GALNT13: variants seen among roughly 807,000 people sequenced by gnomAD.
GALNT13 encodes the protein UDP-GalNAc:polypeptide N-acetylgalactosaminyltransferase 13.
GALNT13 carries 28 observed loss-of-function variants against 64.2 expected under a neutral mutation model. The ratio of observed to expected loss-of-function variants is 0.44; its 90% CI spans 0.32 to 0.60. The LOEUF (loss-of-function observed/expected upper bound fraction) is 0.60, where lower values mean the gene tolerates loss of function less well. Among genes scored for constraint, GALNT13 ranks in the 20% least tolerant of loss-of-function variants. The probability of loss-of-function intolerance (pLI) is 0.05; values close to 1 mark genes in which losing one functional copy is unlikely to be tolerated. For missense variants in GALNT13, 577 were observed against 669.8 expected (o/e 0.86, Z 1.53); for synonymous variants, 214 against 224.6 (o/e 0.95, Z 0.42).
the GALNT13 span, among the ~76,000 whole-genome samples, chr2:153,717,830 A>G: frequency 6.6e-6 from 1 of 152,218 alleles, no homozygotes; most frequent in African/African-American, 2.4e-5. Context: ...GCAACTAGCC[A>G]GAAGTCTTAT....
chr2:153,775,206 A>C, the GALNT13 span, among the ~76,000 whole-genome samples: 2 of 152,142 alleles, frequency 1.3e-5, no homozygotes, highest in African/African-American at 4.8e-5. Flanking sequence ...ATATCACTAA[A>C]ATAATGTCAT....
At chr2:154,236,983 AT>A (rs979197806) in intron 4 of GALNT13, among the ~76,000 whole-genome samples, 16 of 152,086 alleles carry the variant, frequency 1.1e-4, no homozygotes, top group African/African-American at 3.4e-4. Flanking sequence ...TTTCCAATTA[AT>A]TTTTTTACAA....
At chr2:154,039,853 A>T (rs1388086232) in intron 3 of GALNT13, among the ~76,000 whole-genome samples, 1 of 140,572 alleles carries the variant, frequency 7.1e-6, no homozygotes, top group Non-Finnish European at 1.6e-5. Flanking sequence ...CACATTGTAT[A>T]CATGTATAGG....
intron 9 of GALNT13, among the ~76,000 whole-genome samples, chr2:154,360,979 C>CA (rs1328728242): frequency 1.3e-5 from 2 of 151,706 alleles, no homozygotes; most frequent in African/African-American, 2.4e-5. Context: ...AATTTGAAAA[C>CA]AAAAAATGAA....
the GALNT13 span, among the ~76,000 whole-genome samples, chr2:153,403,817 C>T: frequency 4.6e-5 from 7 of 152,166 alleles, no homozygotes; most frequent in Admixed American, 1.3e-4. Flanking sequence ...CACTGACCTG[C>T]GCCCACTGTC....
the GALNT13 span, among the ~76,000 whole-genome samples, chr2:153,093,205 T>A: frequency 6.6e-6 from 1 of 151,814 alleles, no homozygotes; most frequent in Non-Finnish European, 1.5e-5. Context: ...TTCCACTTGG[T>A]CATGATGAAG....
the GALNT13 span, among the ~76,000 whole-genome samples, chr2:153,155,586 A>C: frequency 6.6e-6 from 1 of 151,952 alleles, no homozygotes; most frequent in South Asian, 2.1e-4. Context: ...TGTCATTTCT[A>C]ATTCTGTTTA....
At chr2:154,013,178 A>T (rs866573891) in intron 3 of GALNT13, among the ~76,000 whole-genome samples, 4 of 150,596 alleles carry the variant, frequency 2.7e-5, no homozygotes, top group Non-Finnish European at 5.9e-5. Context: ...TTCTGGGCTG[A>T]TGTTCTTTAA....
chr2:154,215,847 G>T (rs576929947), intron 4 of GALNT13, among the ~76,000 whole-genome samples: 2 of 152,132 alleles, frequency 1.3e-5, no homozygotes, highest in Admixed American at 6.6e-5. Context: ...CCTTTTCAAT[G>T]GGAGCAGGTT....
chr2:153,627,022 T>A, the GALNT13 span, among the ~76,000 whole-genome samples: 1 of 151,780 alleles, frequency 6.6e-6, no homozygotes, highest in East Asian at 1.9e-4. Flanking sequence ...GGAAAATTAT[T>A]TTCAGTTTCA....
rs540312641 is a variant in GALNT13, at chr2:154,210,046, G to A, written c.312-31984G>A. Among the ~76,000 whole-genome samples, 12 of 152,170 alleles carry A rather than the reference G, an allele frequency of 7.9e-5. No individual in the cohort carries two copies. The South Asian group carries it at 2.5e-3, about 32-fold the overall frequency. ...TCTGGAAACCACTGTTCTCCTCTCT[G>A]AGTTTGAATGTTTTAGATTCCACTC... On this transcript the variant is annotated intron_variant, in intron 4 of 12. Coordinates refer to ENST00000392825, the MANE Select transcript of GALNT13 (RefSeq NM_052917.4).
At chr2:153,785,262 C>A in the GALNT13 span, among the ~76,000 whole-genome samples, 1 of 152,150 alleles carries the variant, frequency 6.6e-6, no homozygotes, top group Admixed American at 6.5e-5. Flanking sequence ...AGTCCCTAAT[C>A]CTGTTTCTCC....
At chr2:153,590,280 G>C in the GALNT13 span, among the ~76,000 whole-genome samples, 1 of 152,200 alleles carries the variant, frequency 6.6e-6, no homozygotes, top group Non-Finnish European at 1.5e-5. Context: ...TCTCAAGATT[G>C]AATCAAAAGT....
the GALNT13 span, among the ~76,000 whole-genome samples, chr2:153,085,718 C>T: frequency 2.6e-5 from 4 of 152,158 alleles, no homozygotes; most frequent in Non-Finnish European, 4.4e-5. Flanking sequence ...TGGAGAACCT[C>T]TGCTGGGGCA....
At chr2:154,337,795 A>T (rs1372160557) in intron 9 of GALNT13, among the ~76,000 whole-genome samples, 2 of 152,098 alleles carry the variant, frequency 1.3e-5, no homozygotes, top group Non-Finnish European at 2.9e-5. Flanking sequence ...ATACATAAAG[A>T]CCAGGTGGTC....
chr2:154,310,100 T>C (rs1693951681), intron 9 of GALNT13, among the ~76,000 whole-genome samples: 1 of 152,206 alleles, frequency 6.6e-6, no homozygotes, highest in Admixed American at 6.6e-5. Context: ...TACTGCCACC[T>C]TTGCTTAAAG....
chr2:153,402,622 C>T, the GALNT13 span, among the ~76,000 whole-genome samples: 6 of 152,086 alleles, frequency 3.9e-5, no homozygotes, highest in African/African-American at 1.2e-4. Flanking sequence ...AGGCTTTTCT[C>T]ATTTCTTTTT....
chr2:153,728,070 G>T, the GALNT13 span, among the ~76,000 whole-genome samples: 1 of 152,174 alleles, frequency 6.6e-6, no homozygotes, highest in African/African-American at 2.4e-5. Context: ...CAAAGGAGAT[G>T]AACTCATTCT....
chr2:153,853,611 C>T, the GALNT13 span, among the ~76,000 whole-genome samples: 1 of 151,610 alleles, frequency 6.6e-6, no homozygotes, highest in Non-Finnish European at 1.5e-5. Flanking sequence ...ATGGGTGAAT[C>T]TCAAAAAAAT....
Sources: allele counts gnomAD v4.1 joint callset (sites outside exome capture counted in the v4.1 genomes callset), GRCh38; gene constraint gnomAD v4.1.1; transcripts MANE v1.5; gene names NCBI Gene and HGNC (gene_info 2026-07-23, HGNC 2026-07-21).